Variants in CDK14 observed in about 807,000 individuals in gnomAD.
CDK14 encodes cyclin-dependent kinase 14.
In CDK14, 34 loss-of-function variants were observed where a neutral mutation model predicts 60.7. That is an observed-to-expected ratio of 0.56 (90% CI 0.43 to 0.75). The LOEUF (loss-of-function observed/expected upper bound fraction) is 0.75. CDK14 is among the 30% of genes least tolerant of loss of function. The pLI, the probability that CDK14 is intolerant of heterozygous loss-of-function variation, is 0.00. For missense variants in CDK14, 482 were observed against 564.1 expected (o/e 0.85, Z 1.47); for synonymous variants, 197 against 203.7 (o/e 0.97, Z 0.28).
chr7:90,970,521 G>A (rs957682980), intron 9 of CDK14, among the ~76,000 whole-genome samples: 8 of 152,186 alleles, frequency 5.3e-5, no homozygotes, highest in Non-Finnish European at 1.0e-4. Flanking sequence ...TCTGACTGCA[G>A]AGGCAGCATA....
chr7:90,729,344 G>GTT (rs1237046149), intron 3 of CDK14, among the ~76,000 whole-genome samples: 460 of 45,200 alleles, frequency 0.01, 102 homozygotes, highest in Middle Eastern at 0.083. Context: ...AGGTATCAAG[G>GTT]TTTTTTTTTT....
intron 2 of CDK14, among the ~76,000 whole-genome samples, chr7:90,689,063 G>A (rs1249550954): frequency 6.6e-6 from 1 of 152,108 alleles, no homozygotes; most frequent in African/African-American, 2.4e-5. Context: ...CTCCTCCACT[G>A]TCAGTACCCT....
intron 10 of CDK14, among the ~76,000 whole-genome samples, chr7:91,025,188 GT>G: frequency 6.6e-6 from 1 of 152,136 alleles, no homozygotes; most frequent in African/African-American, 2.4e-5. Flanking sequence ...TTCAAATTCT[GT>G]TTTATATTAT....
chr7:90,944,299 C>T (rs10250625), intron 8 of CDK14, among the ~76,000 whole-genome samples: 97,306 of 152,068 alleles, frequency 0.64, 31,686 homozygotes, highest in East Asian at 0.88. Context: ...GCTGGGATGA[C>T]ACACAAGTGC....
intron 4 of CDK14, among the ~76,000 whole-genome samples, chr7:90,756,030 C>T (rs573516523): frequency 9.9e-5 from 15 of 152,270 alleles, no homozygotes; most frequent in African/African-American, 3.6e-4. Context: ...AGCATCTTGC[C>T]TATGTTCACA....
chr7:90,734,870 A>G (rs1584836357), intron 3 of CDK14, among the ~76,000 whole-genome samples: 1 of 152,030 alleles, frequency 6.6e-6, no homozygotes. Context: ...AGGAGTTGTG[A>G]TCCTTTGGGA....
At chr7:90,906,932 C>G (rs1401571236) in intron 7 of CDK14, among the ~76,000 whole-genome samples, 2 of 152,068 alleles carry the variant, frequency 1.3e-5, no homozygotes, top group Non-Finnish European at 2.9e-5. Flanking sequence ...AACTAAATTT[C>G]TACTCACTTT....
intron 14 of CDK14, among the ~76,000 whole-genome samples, chr7:91,159,605 G>A (rs1801103152): frequency 6.6e-6 from 1 of 152,226 alleles, no homozygotes; most frequent in South Asian, 2.1e-4. Flanking sequence ...CAGAGGATGT[G>A]CCCAGCAGCA....
chr7:90,975,025 G>A (rs1223680062), intron 9 of CDK14, among the ~76,000 whole-genome samples: 3 of 152,116 alleles, frequency 2.0e-5, no homozygotes, highest in Non-Finnish European at 4.4e-5. Context: ...AGGTAATGGT[G>A]GCTAATACAT....
intron 5 of CDK14, chr7:90,824,627 A>G (rs780838046): frequency 6.6e-6 from 1 of 152,220 alleles, no homozygotes; most frequent in Non-Finnish European, 1.5e-5. Context: ...GCAGCCTTGG[A>G]CAAGTTACTT....
chr7:90,814,955 C>T (rs1789290726), intron 5 of CDK14, among the ~76,000 whole-genome samples: 1 of 152,354 alleles, frequency 6.6e-6, no homozygotes, highest in Non-Finnish European at 1.5e-5. Context: ...CTGCTTTGAG[C>T]ATCCTTCAAG....
intron 7 of CDK14, among the ~76,000 whole-genome samples, chr7:90,910,668 G>A (rs1792863455): frequency 6.6e-6 from 1 of 152,100 alleles, no homozygotes; most frequent in Admixed American, 6.5e-5. Context: ...TTGGATAGCA[G>A]CCCTCTTAAT....
chr7:91,175,002 T>C (rs1186912515), intron 14 of CDK14, among the ~76,000 whole-genome samples: 3 of 144,680 alleles, frequency 2.1e-5, no homozygotes, highest in South Asian at 2.2e-4. Flanking sequence ...AGACACATAA[T>C]TGCCAGATTC....
In CDK14 at chr7:91,084,013, A is replaced by G. The variant is rs142025695; in HGVS notation, c.1154+4533A>G. 1.8e-3 allele frequency among the ~76,000 whole-genome samples: 276 copies of G among 152,330 alleles called. 2 individuals carry two copies. Among genetic ancestry groups the G allele is most frequent in the Non-Finnish European group, 2.8e-3 (192 of 68,032 alleles). On this transcript the variant is annotated intron_variant, in intron 12 of 14. Coordinates refer to ENST00000380050, the MANE Select transcript of CDK14 (RefSeq NM_001287135.2). ...TAACAGTTAGCCTTTTGCAATGTAC[A>G]TTGTCACATCCCCACATATGCTTAT...
At chr7:90,737,398 G>A (rs1313855331) in intron 3 of CDK14, among the ~76,000 whole-genome samples, 1 of 152,198 alleles carries the variant, frequency 6.6e-6, no homozygotes, top group African/African-American at 2.4e-5. Flanking sequence ...CCTAATCTGG[G>A]AGATGTGGGA....
rs546665869 is a variant in CDK14 at position 90,961,418 on chromosome 7, A to G, written c.947+5601A>G. Among the ~76,000 whole-genome samples, 160 of 152,306 alleles carry G rather than the reference A, an allele frequency of 1.1e-3. 1 individual carries two copies. Among genetic ancestry groups the G allele is most frequent in the Non-Finnish European group, 1.8e-3 (120 of 68,006 alleles). ...ATACATTTTCACAGGACTAGTACTT[A>G]TGCTGGCATGTATTAATATTTTCCC... On this transcript the variant is annotated intron_variant, in intron 9 of 14. Transcript: ENST00000380050.
At chr7:91,108,888 T>G (rs1405112387) in intron 12 of CDK14, among the ~76,000 whole-genome samples, 1 of 152,320 alleles carries the variant, frequency 6.6e-6, no homozygotes, top group Admixed American at 6.5e-5. Flanking sequence ...GCATTTGAGG[T>G]GCAACTTAAA....
intron 8 of CDK14, among the ~76,000 whole-genome samples, chr7:90,923,549 G>A (rs2117442775): frequency 6.6e-6 from 1 of 152,308 alleles, no homozygotes; most frequent in East Asian, 1.9e-4. Flanking sequence ...CCAGATTGAA[G>A]CAATGTAGAT....
chr7:90,895,457 TCCC>T (rs1792292745), intron 6 of CDK14, among the ~76,000 whole-genome samples: 2 of 14,660 alleles, frequency 1.4e-4, no homozygotes, highest in Admixed American at 8.3e-4. Context: ...TCCCCTCCCC[TCCC>T]CTCCCCTCTC....
Sources: allele counts gnomAD v4.1 joint callset (sites outside exome capture counted in the v4.1 genomes callset), GRCh38; gene constraint gnomAD v4.1.1; transcripts MANE v1.5; gene names NCBI Gene and HGNC (gene_info 2026-07-23, HGNC 2026-07-21).